Variants in ITGA1 observed in about 807,000 individuals in gnomAD.
ITGA1 encodes integrin subunit alpha 1, also known as integrin alpha-1.
In ITGA1, 85 loss-of-function variants were observed where a neutral mutation model predicts 145.9. That is an observed-to-expected ratio of 0.58 (90% CI 0.49 to 0.70). The LOEUF (loss-of-function observed/expected upper bound fraction) is 0.70. Ranked by LOEUF, ITGA1 falls within the 30% of genes least tolerant of loss-of-function variation. The pLI, the probability that ITGA1 is intolerant of heterozygous loss-of-function variation, is 0.00. For synonymous variants in ITGA1, 520 were observed against 495.3 expected (o/e 1.05, Z -0.66); for missense variants, 1,351 against 1,418.7 (o/e 0.95, Z 0.77).
At chr5:52,890,490 T>A (rs1309895298) in intron 8 of ITGA1, among the ~76,000 whole-genome samples, 1 of 152,224 alleles carries the variant, frequency 6.6e-6, no homozygotes, top group African/African-American at 2.4e-5. Flanking sequence ...TTGGTGAGTT[T>A]TGACAATTAC....
intron 26 of ITGA1, among the ~76,000 whole-genome samples, chr5:52,943,766 C>T (rs1444839464): frequency 6.6e-6 from 1 of 152,180 alleles, no homozygotes; most frequent in African/African-American, 2.4e-5. Flanking sequence ...TCTCAGTGCT[C>T]TGAGATGGGG....
chr5:52,905,847 T>C lies in ITGA1; in HGVS notation c.1394T>C (p.Val465Ala), dbSNP rs1750394507. ...GQPRYNHTGQ[V>A]IIYRMEDGNI... The stretch of plus-strand genomic sequence containing the variant: ...CCTCGGTACAATCATACAGGCCAGG[T>C]CATTATCTACAGGATGGAAGATGGA... The change falls in exon 12 of 29, where the codon GTC (valine) becomes GCC (alanine). Residue 465 changes from valine to alanine, a missense_variant. Physicochemically the swap from Val to Ala is moderately conservative, Grantham distance 64. Transcript: ENST00000282588. 1 of 1,613,702 alleles carries C rather than the reference T, an allele frequency of 6.2e-7. No individual in the cohort carries two copies. The highest frequency in any genetic ancestry group is 8.5e-7 in the Non-Finnish European group (1 of 1,179,740).
intron 1 of ITGA1, among the ~76,000 whole-genome samples, chr5:52,812,281 G>A (rs910787917): frequency 1.3e-5 from 2 of 152,118 alleles, no homozygotes; most frequent in Non-Finnish European, 2.9e-5. Context: ...AATATTTATT[G>A]ATGCCATTTA....
intron 1 of ITGA1, among the ~76,000 whole-genome samples, chr5:52,804,737 G>A (rs1034856018): frequency 6.6e-6 from 1 of 152,120 alleles, no homozygotes; most frequent in African/African-American, 2.4e-5. Flanking sequence ...CCTCATAATA[G>A]CAGCTCTTAT....
intron 1 of ITGA1, among the ~76,000 whole-genome samples, chr5:52,813,608 A>G (rs1293340621): frequency 6.6e-6 from 1 of 152,148 alleles, no homozygotes; most frequent in Non-Finnish European, 1.5e-5. Context: ...CCCCCAGACA[A>G]CCATCACCAA....
At chr5:52,880,419 A>G (rs1749939374) in intron 6 of ITGA1, among the ~76,000 whole-genome samples, 1 of 152,214 alleles carries the variant, frequency 6.6e-6, no homozygotes, top group South Asian at 2.1e-4. Context: ...CAAAGATGAT[A>G]AAAATTGCTT....
chr5:52,807,185 GA>G (rs1178584757), intron 1 of ITGA1, among the ~76,000 whole-genome samples: 3 of 152,180 alleles, frequency 2.0e-5, no homozygotes, highest in African/African-American at 7.2e-5. Flanking sequence ...ACTGAGGCAA[GA>G]GCAGTATTTG....
chr5:52,944,125 G>T lies in ITGA1; in HGVS notation c.3286-818G>T, dbSNP rs541274351. ...CTGGGGCTAGAGCCTCTCTGAAGGA[G>T]ATGGGGAGTCCGAGGGGATGGGCAC... On this transcript the variant is annotated intron_variant, in intron 26 of 28. Coordinates refer to ENST00000282588, the MANE Select transcript of ITGA1 (RefSeq NM_181501.2). Among the ~76,000 whole-genome samples, 21 of 152,246 alleles carry T rather than the reference G, an allele frequency of 1.4e-4. No homozygotes were observed. In the South Asian group the frequency reaches 4.1e-3, roughly 30 times the overall value.
intron 6 of ITGA1, among the ~76,000 whole-genome samples, chr5:52,869,591 G>A (rs1490972342): frequency 6.6e-6 from 1 of 152,156 alleles, no homozygotes; most frequent in African/African-American, 2.4e-5. Flanking sequence ...CACCTCAAGA[G>A]CAAAGTCTGC....
At chr5:52,800,638 C>T in intron 1 of ITGA1, 2 of 1,614,058 alleles carry the variant, frequency 1.2e-6, no homozygotes, top group Non-Finnish European at 1.7e-6. Context: ...CTGCCAGCTG[C>T]GGGTTAAGGG....
chr5:52,918,829 G>A lies in ITGA1; in HGVS notation c.2086G>A (p.Val696Ile), dbSNP rs1750688453. 3 of 1,612,904 alleles carry A rather than the reference G, an allele frequency of 1.9e-6. No individual in the cohort carries two copies. Among genetic ancestry groups the A allele is most frequent in the Non-Finnish European group, 2.5e-6 (3 of 1,179,352 alleles). ...KNCHMEGKET[V>I]CINATVCFDV... ...CTGCCATATGGAGGGAAAGGAAACA[G>A]TATGCATAAATGCTACAGTGTGTTT... Residue 696 changes from valine to isoleucine, a missense_variant, in exon 16 of 29, where the codon GTA (valine) becomes ATA (isoleucine). By Grantham distance (29) the Val-to-Ile change is conservative (BLOSUM62 3). Coordinates refer to ENST00000282588, the MANE Select transcript of ITGA1 (RefSeq NM_181501.2).
At chr5:52,792,882 G>C (rs965547674) in intron 1 of ITGA1, among the ~76,000 whole-genome samples, 2 of 152,260 alleles carry the variant, frequency 1.3e-5, no homozygotes, top group East Asian at 3.9e-4. Flanking sequence ...TCTGTGACTG[G>C]AGAATTGTAT....
At chr5:52,850,633 C>T (rs1749417190) in intron 2 of ITGA1, among the ~76,000 whole-genome samples, 1 of 151,978 alleles carries the variant, frequency 6.6e-6, no homozygotes, top group Non-Finnish European at 1.5e-5. Context: ...GATAATAATG[C>T]CCTAAAGACT....
intron 16 of ITGA1, 45 bp downstream of exon 16, chr5:52,918,943 A>AAATGCATGTGTGTACATT: frequency 6.8e-7 from 1 of 1,476,948 alleles, no homozygotes; most frequent in East Asian, 2.3e-5. Flanking sequence ...AGAGGACAAT[A>AAATGCATGTGTGTACATT]TATTTGCTCT....
At chr5:52,910,930 T>A (rs1472280370) in intron 14 of ITGA1, among the ~76,000 whole-genome samples, 1 of 138,070 alleles carries the variant, frequency 7.2e-6, no homozygotes, top group South Asian at 2.3e-4. Flanking sequence ...ATATAGTATA[T>A]ATGGTATGTA....
At chr5:52,879,919 CCTAA>C (rs1226604428) in intron 6 of ITGA1, among the ~76,000 whole-genome samples, 3 of 152,230 alleles carry the variant, frequency 2.0e-5, no homozygotes, top group South Asian at 2.1e-4. Context: ...TTATCTTATA[CCTAA>C]CTAAGCAACT....
chr5:52,850,264 T>A (rs974430497), intron 2 of ITGA1, among the ~76,000 whole-genome samples: 20 of 152,208 alleles, frequency 1.3e-4, no homozygotes, highest in African/African-American at 4.3e-4. Context: ...CCTCCGAAAG[T>A]GCTGGGATTA....
chr5:52,788,109 A>G lies in ITGA1; in HGVS notation c.-245A>G, dbSNP rs1032127352. The stretch of plus-strand genomic sequence containing the variant: ...GCTGCCAGTGAGATTTCAGAGACCA[A>G]GAGCGCGAAGGGGCGGGCGATGTGG... On this transcript the variant is annotated 5_prime_UTR_variant, in exon 1 of 29. Coordinates refer to ENST00000282588, the MANE Select transcript of ITGA1 (RefSeq NM_181501.2). 2.3e-6 allele frequency: 1 copy of G among 427,748 alleles called. No individual in the cohort carries two copies. The highest frequency in any genetic ancestry group is 4.2e-6 in the Non-Finnish European group (1 of 240,120). The allele number at this position is 427,748 out of a possible 1,614,324, so 26.5% of individuals were successfully genotyped here.
rs549385114 is a variant in ITGA1, at chr5:52,877,793, C to A, written c.625-4080C>A. ...GCTTGCCCTTGAATTCTTTCCTGAGCAAAGCCAAGAACCCTTGTGGGCTGA... is the reference window on the plus strand; with the variant it reads ...GCTTGCCCTTGAATTCTTTCCTGAGAAAAGCCAAGAACCCTTGTGGGCTGA... On this transcript the variant is annotated intron_variant, in intron 6 of 28. Coordinates refer to ENST00000282588, the MANE Select transcript of ITGA1 (RefSeq NM_181501.2). Among the ~76,000 whole-genome samples, 68 of 152,150 alleles carry A rather than the reference C, an allele frequency of 4.5e-4. 2 individuals are homozygous for A. The highest frequency in any genetic ancestry group is 1.9e-4 in the Non-Finnish European group (13 of 68,038).
Sources: gnomAD v4.1 joint callset for allele counts (sites outside exome capture counted in the v4.1 genomes callset) on GRCh38, gnomAD v4.1.1 for gene constraint, MANE v1.5 for transcripts, NCBI Gene and HGNC (gene_info 2026-07-23, HGNC 2026-07-21) for gene names.